Variants in TNR observed in about 807,000 individuals in gnomAD.
TNR encodes the protein tenascin R, also known as tenascin-R.
In TNR, 45 loss-of-function variants were observed where a neutral mutation model predicts 150.4. The observed-to-expected ratio is 0.30, with a 90% CI of 0.24 to 0.38. The LOEUF is 0.38. Ranked by LOEUF, TNR falls within the 10% of genes least tolerant of loss-of-function variation. The probability of loss-of-function intolerance (pLI) is 1.00; values close to 1 mark genes in which losing one functional copy is unlikely to be tolerated. For missense variants in TNR, 1,544 were observed against 1,759.1 expected, an observed-to-expected ratio of 0.88 and a Z score of 2.19; for synonymous variants, 687 against 678.4, an observed-to-expected ratio of 1.01 and a Z score of -0.20.
At chr1:175,437,964 T>C (rs560340619) in intron 2 of TNR, among the ~76,000 whole-genome samples, 15 of 152,304 alleles carry the variant, frequency 9.8e-5, no homozygotes, top group Admixed American at 8.5e-4. Flanking sequence ...GAGGAGCTGG[T>C]ACCATTCCTT....
Position 175,337,610 on chromosome 1 carries a change from ACC to A in TNR, c.3450_3451del (p.Val1151LeufsTer18). ...CTCCCCATTGAGGAAGATGGGGTAA[ACC>A]CCACTCAAAGTGTCTCCATTCATCA... On this transcript the variant is annotated frameshift_variant, in exon 19 of 23. Coordinates refer to ENST00000367674, the MANE Select transcript of TNR (RefSeq NM_003285.3). LOFTEE classifies it high-confidence loss of function. 1.2e-6 allele frequency: 2 copies of A among 1,614,112 alleles called. No homozygotes were observed. The highest frequency in any genetic ancestry group is 1.7e-6 in the Non-Finnish European group (2 of 1,180,014).
At position 175,324,345 on chromosome 1, in the gene TNR, G is replaced by A. The variant is rs529101706; in HGVS notation, c.3957+11C>T. On this transcript the variant is annotated intron_variant, in intron 22 of 22. Transcript: ENST00000367674. The stretch of plus-strand genomic sequence containing the variant: ...CTGGCTCATTCATAGCAGAGGTGGA[G>A]CATCGCTTACCTGACTGTGCCTGGA... 6.8e-6 allele frequency: 11 copies of A among 1,611,108 alleles called. No individual in the cohort carries two copies. Among genetic ancestry groups the A allele is most frequent in the Non-Finnish European group, 9.3e-6 (11 of 1,178,956 alleles).
intron 1 of TNR, among the ~76,000 whole-genome samples, chr1:175,653,341 A>G (rs1558056252): frequency 6.6e-6 from 1 of 152,224 alleles, no homozygotes; most frequent in East Asian, 1.9e-4. Flanking sequence ...TAGGAGCGAC[A>G]TGGGCAGTTC....
At chr1:175,727,933 A>G (rs969567779) in intron 1 of TNR, among the ~76,000 whole-genome samples, 1 of 152,248 alleles carries the variant, frequency 6.6e-6, no homozygotes, top group Non-Finnish European at 1.5e-5. Flanking sequence ...AAGGTAACTT[A>G]CTAGGAAAAT....
chr1:175,439,345 C>T (rs1308020305), intron 2 of TNR, among the ~76,000 whole-genome samples: 1 of 151,982 alleles, frequency 6.6e-6, no homozygotes, highest in Non-Finnish European at 1.5e-5. Flanking sequence ...AAACTGGATC[C>T]CTTCCTTACA....
chr1:175,441,356 T>C (rs1655780586), intron 2 of TNR, among the ~76,000 whole-genome samples: 1 of 152,202 alleles, frequency 6.6e-6, no homozygotes, highest in Non-Finnish European at 1.5e-5. Context: ...AAACAACATG[T>C]TTTGACTAAA....
intron 2 of TNR, among the ~76,000 whole-genome samples, chr1:175,525,880 G>A (rs1452556370): frequency 1.3e-5 from 2 of 152,162 alleles, no homozygotes; most frequent in Non-Finnish European, 2.9e-5. Flanking sequence ...GGAGTTTCAA[G>A]ATTTAATTCT....
intron 2 of TNR, among the ~76,000 whole-genome samples, chr1:175,526,272 G>A (rs1659845026): frequency 6.6e-6 from 1 of 152,150 alleles, no homozygotes. Context: ...CTAAATAATA[G>A]TTGCTCAATA....
At chr1:175,611,700 A>G (rs1039166747) in intron 1 of TNR, among the ~76,000 whole-genome samples, 2 of 152,116 alleles carry the variant, frequency 1.3e-5, no homozygotes, top group Admixed American at 1.3e-4. Flanking sequence ...GAAATTAATT[A>G]ATGTGTTCAC....
intron 1 of TNR, among the ~76,000 whole-genome samples, chr1:175,634,936 C>T (rs1664449900): frequency 6.6e-6 from 1 of 152,176 alleles, no homozygotes; most frequent in African/African-American, 2.4e-5. Flanking sequence ...CAGCCCTCCT[C>T]ATTCTCTTAA....
chr1:175,387,942 C>G (rs116716091), intron 7 of TNR, among the ~76,000 whole-genome samples: 3,027 of 152,332 alleles, frequency 0.02, 96 homozygotes, highest in African/African-American at 0.067. Flanking sequence ...TGAAAATCAC[C>G]AGACCACTTG....
At chr1:175,664,216 C>T (rs1388163883) in intron 1 of TNR, among the ~76,000 whole-genome samples, 8 of 152,208 alleles carry the variant, frequency 5.3e-5, no homozygotes, top group Non-Finnish European at 1.0e-4. Flanking sequence ...AAACCTGGAC[C>T]TAGGCTTCCT....
chr1:175,670,355 T>C (rs1348003998), intron 1 of TNR, among the ~76,000 whole-genome samples: 7 of 152,116 alleles, frequency 4.6e-5, no homozygotes, highest in Non-Finnish European at 8.8e-5. Context: ...CCTGTTGAGT[T>C]CCTGGGACCA....
chr1:175,692,182 C>T (rs1007108053), intron 1 of TNR, among the ~76,000 whole-genome samples: 2 of 152,106 alleles, frequency 1.3e-5, no homozygotes, highest in Admixed American at 6.5e-5. Context: ...TGCCAATTAA[C>T]CTTGGGGCAG....
chr1:175,673,185 G>A (rs947300523), intron 1 of TNR, among the ~76,000 whole-genome samples: 2 of 152,162 alleles, frequency 1.3e-5, no homozygotes, highest in African/African-American at 4.8e-5. Flanking sequence ...GGAGGGAAAG[G>A]CAGAATGGGA....
chr1:175,631,639 T>C (rs1191044591), intron 1 of TNR, among the ~76,000 whole-genome samples: 1 of 152,220 alleles, frequency 6.6e-6, no homozygotes, highest in Non-Finnish European at 1.5e-5. Flanking sequence ...TAATGTGTAG[T>C]GAATGATTCC....
At chr1:175,356,555 A>T in intron 15 of TNR, 93 bp from the exon 16 acceptor site, 1 of 1,496,174 alleles carries the variant, frequency 6.7e-7, no homozygotes, top group Non-Finnish European at 9.0e-7. Context: ...TGGATTTACT[A>T]CTAGAGAATT....
chr1:175,332,794 C>A (rs564514256), intron 20 of TNR, among the ~76,000 whole-genome samples: 4 of 152,318 alleles, frequency 2.6e-5, no homozygotes, highest in African/African-American at 9.6e-5. Flanking sequence ...CTCCAGGAAG[C>A]TGGTCTCTTC....
chr1:175,410,297 T>C (rs1170813281), intron 2 of TNR, among the ~76,000 whole-genome samples: 2 of 152,216 alleles, frequency 1.3e-5, no homozygotes, highest in African/African-American at 4.8e-5. Flanking sequence ...GTAAGTTATT[T>C]GGCTTTTACA....
Sources: allele counts gnomAD v4.1 joint callset (sites outside exome capture counted in the v4.1 genomes callset), GRCh38; gene constraint gnomAD v4.1.1; transcripts MANE v1.5; gene names NCBI Gene and HGNC (gene_info 2026-07-23, HGNC 2026-07-21).